Variants in TULP4 observed in about 807,000 individuals in gnomAD.
The protein encoded by TULP4 is tubby-related protein 4.
In TULP4, 16 loss-of-function variants were observed where a neutral mutation model predicts 129.0. That is an observed-to-expected ratio of 0.12 (90% CI 0.08 to 0.19). The LOEUF (loss-of-function observed/expected upper bound fraction) is 0.19, where lower values mean the gene tolerates loss of function less well. Ranked by LOEUF, TULP4 falls within the 10% of genes least tolerant of loss-of-function variation. The pLI is 1.00. For synonymous variants in TULP4, 998 were observed against 854.0 expected (o/e 1.17, Z -2.94); for missense variants, 1,842 against 2,059.1 (o/e 0.89, Z 2.04).
upstream of TULP4, among the ~76,000 whole-genome samples, chr6:158,307,492 T>C (rs1035228602): frequency 1.3e-5 from 2 of 152,234 alleles, no homozygotes; most frequent in African/African-American, 4.8e-5. Context: ...TTTTGTTTTG[T>C]TTTGTTTTTG....
intron 1 of TULP4, among the ~76,000 whole-genome samples, chr6:158,236,812 TTTTTTTTTTTTTTTTTTTTGAGA>T (rs1294398969): frequency 2.5e-4 from 27 of 108,690 alleles, no homozygotes; most frequent in Middle Eastern, 8.3e-3. Context: ...TTTTTTTTTT[TTTTTTTTTTTTTTTTTTTTGAGA>T]TAGGGTCTTG....
chr6:158,324,706 A>G (rs538676660), intron 1 of TULP4, among the ~76,000 whole-genome samples: 1 of 152,314 alleles, frequency 6.6e-6, no homozygotes, highest in East Asian at 1.9e-4. Context: ...TAGCCCTCAT[A>G]ACATCTCTCT....
intron 6 of TULP4, among the ~76,000 whole-genome samples, chr6:158,467,910 C>CT (rs1311457124): frequency 6.6e-6 from 1 of 152,196 alleles, no homozygotes; most frequent in African/African-American, 2.4e-5. Flanking sequence ...AACATTGTAT[C>CT]TTACTGCTGC....
intron 1 of TULP4, among the ~76,000 whole-genome samples, chr6:158,385,706 G>T (rs914912031): frequency 7.1e-6 from 1 of 140,216 alleles, no homozygotes. Context: ...ACAGTGTGTG[G>T]TATGTAAGTT....
chr6:158,504,613 C>T (rs1455171417), intron 13 of TULP4, among the ~76,000 whole-genome samples: 1 of 151,474 alleles, frequency 6.6e-6, no homozygotes, highest in Admixed American at 6.6e-5. Context: ...GCCTTGGCCT[C>T]TCAAAGTGCA....
intron 3 of TULP4, among the ~76,000 whole-genome samples, chr6:158,442,057 C>T (rs1583879699): frequency 1.3e-5 from 2 of 152,172 alleles, no homozygotes; most frequent in African/African-American, 4.8e-5. Flanking sequence ...CCTCCTCCCT[C>T]ATTCTCCCTA....
rs1449228618 is a variant in TULP4, at chr6:158,246,514, AC to A, written n.68+14212del. ...CTCAAAAAAAAAAAAAAAATTAAAT[AC>A]ATTATTTGCTCAGAAACATTAATCA... On this transcript the variant is annotated intron_variant and non_coding_transcript_variant, in intron 1 of 1. Coordinates refer to the TULP4 transcript ENST00000620026. 4.0e-5 allele frequency among the ~76,000 whole-genome samples: 6 copies of A among 151,882 alleles called. No homozygotes were observed. In the East Asian group the frequency reaches 1.2e-3, roughly 29 times the overall value.
At chr6:158,393,456 T>TA (rs1777634396) in intron 1 of TULP4, among the ~76,000 whole-genome samples, 1 of 152,224 alleles carries the variant, frequency 6.6e-6, no homozygotes, top group African/African-American at 2.4e-5. Flanking sequence ...ATTGCCTTAG[T>TA]AAAGGTTCTC....
At chr6:158,372,293 A>C (rs1583809014) in intron 1 of TULP4, among the ~76,000 whole-genome samples, 2 of 151,836 alleles carry the variant, frequency 1.3e-5, no homozygotes, top group South Asian at 4.1e-4. Flanking sequence ...CTATGACTGC[A>C]TGATGATTTT....
chr6:158,509,493 A>G lies in TULP4; in HGVS notation c.*2799A>G, dbSNP rs1459274430. ...GTTTTTGAGATATAAAGACCCTGAA[A>G]AAGCCCATTTTAGAACCTGTTTAAT... On this transcript the variant is annotated 3_prime_UTR_variant, in exon 14 of 14. Coordinates refer to ENST00000367097, the MANE Select transcript of TULP4 (RefSeq NM_020245.5). 1 of 152,208 alleles carries G rather than the reference A, an allele frequency of 6.6e-6. No individual in the cohort carries two copies. Among genetic ancestry groups the G allele is most frequent in the African/African-American group, 2.4e-5 (1 of 41,448 alleles). 9.4% of individuals were successfully genotyped at this position (152,208 alleles called of 1,614,324 possible).
In TULP4 at chr6:158,413,653, G is replaced by A. The variant is rs576339937; in HGVS notation, c.381+460G>A. On this transcript the variant is annotated intron_variant, in intron 2 of 13. Coordinates refer to ENST00000367097, the MANE Select transcript of TULP4 (RefSeq NM_020245.5). This position sits in a 1 kb window ranked among gnomAD's most constrained non-coding sequence, Gnocchi z 4.9. ...TCTTCCACAGGCTTCAATCAGCACG[G>A]CCTCCTGTTGTCATCCTCCAGCTCT... 6.6e-6 allele frequency among the ~76,000 whole-genome samples: 1 copy of A among 152,298 alleles called. No homozygotes were observed. Among genetic ancestry groups the A allele is most frequent in the East Asian group, 1.9e-4 (1 of 5,188 alleles).
At chr6:158,275,399 A>G (rs573962139) in intron 1 of TULP4, among the ~76,000 whole-genome samples, 1 of 152,174 alleles carries the variant, frequency 6.6e-6, no homozygotes, top group Non-Finnish European at 1.5e-5. Flanking sequence ...GGGTTTGGCC[A>G]TATTCCTGCC....
At chr6:158,392,507 C>A (rs146121861) in intron 1 of TULP4, among the ~76,000 whole-genome samples, 14 of 152,172 alleles carry the variant, frequency 9.2e-5, no homozygotes, top group African/African-American at 2.7e-4. Context: ...CTGATTCTCC[C>A]GGCTTTTTTC....
chr6:158,388,316 G>GTTTTTTTTTTTTT (rs1377926300), intron 1 of TULP4, among the ~76,000 whole-genome samples: 9 of 92,800 alleles, frequency 9.7e-5, no homozygotes, highest in South Asian at 3.6e-4. Context: ...TAATCTGCTC[G>GTTTTTTTTTTTTT]TTTTTCTTTT....
chr6:158,397,978 A>G (rs1174625426), intron 1 of TULP4: 2 of 152,178 alleles, frequency 1.3e-5, no homozygotes, highest in Non-Finnish European at 2.9e-5. Flanking sequence ...GCTCCTACCT[A>G]ATTGAAAATA....
chr6:158,369,403 G>A (rs1484421098), intron 1 of TULP4, among the ~76,000 whole-genome samples: 1 of 152,162 alleles, frequency 6.6e-6, no homozygotes, highest in East Asian at 1.9e-4. Flanking sequence ...GAAGATTGAG[G>A]TGAGATCATC....
intron 1 of TULP4, among the ~76,000 whole-genome samples, chr6:158,374,886 G>A (rs1428254380): frequency 1.3e-5 from 2 of 152,166 alleles, no homozygotes; most frequent in African/African-American, 2.4e-5. Context: ...TATTTTCATA[G>A]TTATCAAGGT....
At chr6:158,255,069 C>T (rs780889873) in intron 1 of TULP4, among the ~76,000 whole-genome samples, 1 of 152,126 alleles carries the variant, frequency 6.6e-6, no homozygotes, top group Non-Finnish European at 1.5e-5. Context: ...GAGACTCTGT[C>T]TCAAAAACAA....
At chr6:158,421,690 G>C (rs1407756437) in intron 2 of TULP4, among the ~76,000 whole-genome samples, 5 of 152,176 alleles carry the variant, frequency 3.3e-5, no homozygotes, top group Non-Finnish European at 4.4e-5. Context: ...CTTTACAGAT[G>C]CAAATTTTTC....
Sources: gnomAD v4.1 joint callset for allele counts (sites outside exome capture counted in the v4.1 genomes callset) on GRCh38, gnomAD v4.1.1 for gene constraint, Gnocchi (gnomAD v3.1) non-coding constraint, MANE v1.5 for transcripts, NCBI Gene and HGNC (gene_info 2026-07-23, HGNC 2026-07-21) for gene names.